Variants in CUX2 observed in about 807,000 individuals in gnomAD.
The protein encoded by CUX2 is cut like homeobox 2, also known as homeobox protein cut-like 2.
Under a neutral mutation model 144.8 loss-of-function variants are expected in CUX2, and 40 were observed. The observed-to-expected ratio is 0.28, with a 90% CI of 0.21 to 0.36. The LOEUF (loss-of-function observed/expected upper bound fraction) is 0.36, where lower values mean the gene tolerates loss of function less well. Ranked by LOEUF, CUX2 falls within the 10% of genes least tolerant of loss-of-function variation. The pLI is 1.00. For missense variants in CUX2, 1,615 were observed against 1,994.0 expected (o/e 0.81, Z 3.62); for synonymous variants, 827 against 875.6 (o/e 0.94, Z 0.98).
Position 111,178,351 on chromosome 12 carries a change from T to C in CUX2, c.64-35849T>C, listed in dbSNP as rs1309117779. Among the ~76,000 whole-genome samples, 1 of 152,248 alleles carries C rather than the reference T, an allele frequency of 6.6e-6. No homozygotes were observed. Among genetic ancestry groups the C allele is most frequent in the Non-Finnish European group, 1.5e-5 (1 of 68,046 alleles). On this transcript the variant is annotated intron_variant, in intron 1 of 21. Transcript: ENST00000261726. This position sits in a 1 kb window ranked among gnomAD's most constrained non-coding sequence, Gnocchi z 5.7. Reference sequence around the variant, plus strand: ...TGTATGAGAGACCCTAGTACATATCTGTATTTTGGGCAGACAGCCCTGTGG... The same window carrying C: ...TGTATGAGAGACCCTAGTACATATCCGTATTTTGGGCAGACAGCCCTGTGG...
chr12:111,137,364 T>TTGTTG (rs146487590), intron 1 of CUX2, among the ~76,000 whole-genome samples: 162 of 148,558 alleles, frequency 1.1e-3, no homozygotes, highest in African/African-American at 4.1e-3. Flanking sequence ...GTTGTTGTTG[T>TTGTTG]TTGTTGATGT....
chr12:111,147,688 TG>T (rs1282112583), intron 1 of CUX2, among the ~76,000 whole-genome samples: 16 of 152,276 alleles, frequency 1.1e-4, no homozygotes, highest in Admixed American at 9.8e-4. Flanking sequence ...TGCTCAGAGC[TG>T]GGCACCTGCA....
chr12:111,155,589 G>A (rs1877319517), intron 1 of CUX2, among the ~76,000 whole-genome samples: 1 of 152,124 alleles, frequency 6.6e-6, no homozygotes, highest in East Asian at 1.9e-4. Context: ...GGGTGATGAG[G>A]TTTCTCCCAT....
chr12:111,162,643 G>GT, intron 1 of CUX2, among the ~76,000 whole-genome samples: 1 of 152,356 alleles, frequency 6.6e-6, no homozygotes, highest in Non-Finnish European at 1.5e-5. Flanking sequence ...GCAAGTGCGT[G>GT]TATGTTTCTT....
In CUX2 at chr12:111,263,002, A is replaced by G. The variant is rs1884204634; in HGVS notation, c.223-759A>G. Among the ~76,000 whole-genome samples, 1 of 152,188 alleles carries G rather than the reference A, an allele frequency of 6.6e-6. No homozygotes were observed. Among genetic ancestry groups the G allele is most frequent in the Non-Finnish European group, 1.5e-5 (1 of 68,036 alleles). ...ATCCCAACAGGAGGTAGGTCCTGTT[A>G]TTTACCCCGCATTTTACAGATGAAG... On this transcript the variant is annotated intron_variant, in intron 3 of 21. Coordinates refer to ENST00000261726, the MANE Select transcript of CUX2 (RefSeq NM_015267.4). The surrounding 1 kb of genome is among the most constrained non-coding windows in gnomAD (Gnocchi z 4.0).
At chr12:111,315,223 G>A (rs143185894) in intron 16 of CUX2, among the ~76,000 whole-genome samples, 46 of 152,316 alleles carry the variant, frequency 3.0e-4, no homozygotes, top group Middle Eastern at 6.8e-3. Context: ...GCTCAATCAC[G>A]AGTTCTACTT....
chr12:111,243,370 T>G (rs760288457), intron 3 of CUX2, among the ~76,000 whole-genome samples: 2 of 152,144 alleles, frequency 1.3e-5, no homozygotes, highest in Non-Finnish European at 2.9e-5. Flanking sequence ...CCCTCAAAAT[T>G]TTAATAGTAC....
chr12:111,185,265 A>G (rs1592814968), intron 1 of CUX2, among the ~76,000 whole-genome samples: 2 of 152,238 alleles, frequency 1.3e-5, no homozygotes. Context: ...TATGCATATC[A>G]TACTTTAGCA....
intron 4 of CUX2, among the ~76,000 whole-genome samples, chr12:111,264,887 C>G (rs1041058047): frequency 7.7e-6 from 1 of 129,584 alleles, no homozygotes; most frequent in Non-Finnish European, 1.6e-5. Flanking sequence ...ACAGGCAAGC[C>G]GTAGATAAGA....
chr12:111,287,009 G>A lies in CUX2; in HGVS notation c.302-4409G>A, dbSNP rs2136323736. On this transcript the variant is annotated intron_variant, in intron 4 of 21. Transcript: ENST00000261726. This position sits in a 1 kb window ranked among gnomAD's most constrained non-coding sequence, Gnocchi z 4.2. Reference sequence around the variant, plus strand: ...GTGAGCTTAATGACTGTTTTACACTGTACCTGCAAAGGAAGGCAAAAAGAC... The same window carrying A: ...GTGAGCTTAATGACTGTTTTACACTATACCTGCAAAGGAAGGCAAAAAGAC... Among the ~76,000 whole-genome samples the A allele has an allele frequency of 6.6e-6, 1 of 152,310 alleles. No individual in the cohort carries two copies. Among genetic ancestry groups the A allele is most frequent in the South Asian group, 2.1e-4 (1 of 4,824 alleles).
chr12:111,116,235 G>T (rs899023644), intron 1 of CUX2, among the ~76,000 whole-genome samples: 17 of 152,184 alleles, frequency 1.1e-4, no homozygotes, highest in Admixed American at 1.3e-4. Context: ...GAAAGATGTT[G>T]CTTTCACAGC....
chr12:111,234,194 C>T (rs1193218791), intron 3 of CUX2, among the ~76,000 whole-genome samples: 2 of 152,226 alleles, frequency 1.3e-5, no homozygotes, highest in African/African-American at 4.8e-5. Context: ...TAGAGCACCT[C>T]ACTCACTGTC....
In CUX2 at chr12:111,327,885, C is replaced by T. The variant is rs535488427; in HGVS notation, c.2926+5305C>T. ...CAGCCTGACCAACATGGCAAAACCC[C>T]TTCTGTACAAAATTACAAAAATACA... On this transcript the variant is annotated intron_variant, in intron 18 of 21. Transcript: ENST00000261726. Among the ~76,000 whole-genome samples the T allele has an allele frequency of 1.7e-4, 26 of 152,168 alleles. 1 individual carries two copies. The highest frequency in any genetic ancestry group is 6.0e-4 in the African/African-American group (25 of 41,512).
At chr12:111,300,378 C>T (rs1008899219) in intron 9 of CUX2, among the ~76,000 whole-genome samples, 1 of 152,220 alleles carries the variant, frequency 6.6e-6, no homozygotes, top group Non-Finnish European at 1.5e-5. Context: ...TCCTGGGCCT[C>T]CCAAAGCACT....
chr12:111,313,208 C>T (rs1051565492), intron 16 of CUX2, among the ~76,000 whole-genome samples: 26 of 150,258 alleles, frequency 1.7e-4, no homozygotes, highest in African/African-American at 5.9e-4. Flanking sequence ...ATTACACGCA[C>T]GCGCCACCAC....
At position 111,341,769 on chromosome 12, in the gene CUX2, C is replaced by T. The variant is rs763672276; in HGVS notation, c.3386-11C>T. On this transcript the variant is annotated splice_polypyrimidine_tract_variant and intron_variant, in intron 20 of 21. Transcript: ENST00000261726. ...ACCACCTCTCAGCCCTCCCTCTCTT[C>T]CTGGCCCCAGCCTACCTGAAACGTC... is the stretch of plus-strand genomic sequence containing the variant. The T allele has an allele frequency of 1.0e-5, 16 of 1,572,424 alleles. No individual in the cohort carries two copies. In the East Asian group the frequency reaches 3.1e-4, roughly 31 times the overall value.
chr12:111,337,352 C>CA (rs1197695502), intron 19 of CUX2, among the ~76,000 whole-genome samples: 35,153 of 111,138 alleles, frequency 0.32, 5,214 homozygotes, highest in East Asian at 0.7. Context: ...GACCCTGTCT[C>CA]AAAAAAAAAA....
intron 2 of CUX2, among the ~76,000 whole-genome samples, chr12:111,216,593 G>A (rs1046022382): frequency 6.6e-6 from 1 of 152,184 alleles, no homozygotes; most frequent in African/African-American, 2.4e-5. Flanking sequence ...CCACCCCATC[G>A]GTGGGGGTTG....
chr12:111,088,250 A>G (rs1872354299), intron 1 of CUX2, among the ~76,000 whole-genome samples: 1 of 151,996 alleles, frequency 6.6e-6, no homozygotes, highest in Non-Finnish European at 1.5e-5. Context: ...TCAGTGTTGT[A>G]AAATGTGACC....
Sources: allele counts gnomAD v4.1 joint callset (sites outside exome capture counted in the v4.1 genomes callset), GRCh38; gene constraint gnomAD v4.1.1; non-coding constraint Gnocchi (gnomAD v3.1); transcripts MANE v1.5; gene names NCBI Gene and HGNC (gene_info 2026-07-23, HGNC 2026-07-21).